DENND11: variants seen among roughly 807,000 people sequenced by gnomAD.
The protein encoded by DENND11 is DENN domain-containing protein 11.
Under a neutral mutation model 49.2 loss-of-function variants are expected in DENND11, and 34 were observed. The ratio of observed to expected loss-of-function variants is 0.69; its 90% CI spans 0.53 to 0.92. The LOEUF (loss-of-function observed/expected upper bound fraction) is 0.92, where lower values mean the gene tolerates loss of function less well. Among genes scored for constraint, DENND11 ranks in the 40% least tolerant of loss-of-function variants. DENND11 has a pLI of 0.00. For missense variants in DENND11, 475 were observed against 581.6 expected (o/e 0.82, Z 1.88); for synonymous variants, 238 against 230.3 (o/e 1.03, Z -0.30).
intron 4 of DENND11, among the ~76,000 whole-genome samples, chr7:141,667,275 T>C (rs935938126): frequency 3.3e-5 from 5 of 152,090 alleles, no homozygotes; most frequent in Non-Finnish European, 7.4e-5. Flanking sequence ...CTAGGAACAC[T>C]GAGCCAAGGA....
At chr7:141,699,603 C>T (rs1563007106) in intron 1 of DENND11, among the ~76,000 whole-genome samples, 1 of 152,182 alleles carries the variant, frequency 6.6e-6, no homozygotes, top group Non-Finnish European at 1.5e-5. Context: ...TGCGCTCTCT[C>T]TTCCTCCCTC....
rs544363418 is a variant in DENND11 at position 141,662,415 on chromosome 7, G to T, written c.*241C>A. On this transcript the variant is annotated 3_prime_UTR_variant, in exon 9 of 9. Coordinates refer to ENST00000536163, the MANE Select transcript of DENND11 (RefSeq NM_001080392.2). ...CATGACCAAGCCCAGAGGACCAGCA[G>T]CTCTGGGAGAAAGTGGCAGATTCCA... 1 of 416,536 alleles carries T rather than the reference G, an allele frequency of 2.4e-6. No homozygotes were observed. Among genetic ancestry groups the T allele is most frequent in the Admixed American group, 4.4e-5 (1 of 22,736 alleles). 25.8% of individuals were successfully genotyped at this position (416,536 alleles called of 1,614,324 possible). A position where few individuals can be genotyped will look rare whatever the true frequency, so the allele number is the denominator to read the frequency against.
intron 3 of DENND11, among the ~76,000 whole-genome samples, chr7:141,677,639 G>A (rs1434339717): frequency 2.6e-5 from 4 of 151,470 alleles, no homozygotes; most frequent in African/African-American, 9.7e-5. Context: ...ACCACCTTCT[G>A]AAGGGTAACT....
At chr7:141,670,051 C>A in intron 4 of DENND11, among the ~76,000 whole-genome samples, 1 of 150,750 alleles carries the variant, frequency 6.6e-6, no homozygotes. Context: ...ACCTCGTGAT[C>A]CGCCCGCCTC....
At chr7:141,669,876 C>T (rs1234779057) in intron 4 of DENND11, among the ~76,000 whole-genome samples, 1 of 134,924 alleles carries the variant, frequency 7.4e-6, no homozygotes, top group Non-Finnish European at 1.5e-5. Flanking sequence ...GTGGCGCAAT[C>T]TCGGCTCACT....
intron 1 of DENND11, among the ~76,000 whole-genome samples, chr7:141,688,043 A>T (rs1798272173): frequency 6.6e-6 from 1 of 152,152 alleles, no homozygotes; most frequent in African/African-American, 2.4e-5. Flanking sequence ...GGCCTCCCAA[A>T]GTGTTGGGAT....
At chr7:141,685,053 TA>T (rs1563002241) in intron 3 of DENND11, among the ~76,000 whole-genome samples, 24 of 140,652 alleles carry the variant, frequency 1.7e-4, no homozygotes, top group African/African-American at 6.0e-4. Flanking sequence ...TATATATATA[TA>T]TATATTTTTA....
At chr7:141,691,561 C>T (rs1031920830) in intron 1 of DENND11, among the ~76,000 whole-genome samples, 8 of 152,106 alleles carry the variant, frequency 5.3e-5, no homozygotes, top group African/African-American at 1.7e-4. Flanking sequence ...ACAGAGGGAG[C>T]GAATGACATA....
At chr7:141,686,055 T>A (rs1798237839) in intron 2 of DENND11, among the ~76,000 whole-genome samples, 1 of 152,182 alleles carries the variant, frequency 6.6e-6, no homozygotes, top group African/African-American at 2.4e-5. Context: ...GCCATTTTAT[T>A]TCCTCCTCTT....
intron 4 of DENND11, among the ~76,000 whole-genome samples, chr7:141,670,463 C>G (rs1324392574): frequency 6.6e-6 from 1 of 152,090 alleles, no homozygotes; most frequent in Non-Finnish European, 1.5e-5. Context: ...ATGTAAAAAC[C>G]AACATAGTAT....
chr7:141,661,493 C>G lies in DENND11; in HGVS notation c.*1163G>C, dbSNP rs1191521827. On this transcript the variant is annotated 3_prime_UTR_variant, in exon 9 of 9. Transcript: ENST00000536163. Reference sequence around the variant, plus strand: ...CCACTGTCCCGGGTGAAGGCACTGCCACATTTTCTCTCAACAAATCTGTTA... The same window carrying G: ...CCACTGTCCCGGGTGAAGGCACTGCGACATTTTCTCTCAACAAATCTGTTA... 6.6e-6 allele frequency: 1 copy of G among 152,226 alleles called. No homozygotes were observed. The highest frequency in any genetic ancestry group is 1.5e-5 in the Non-Finnish European group (1 of 68,080). The allele number at this position is 152,226 out of a possible 1,614,324, so 9.4% of individuals were successfully genotyped here. A position where few individuals can be genotyped will look rare whatever the true frequency, so the allele number is the denominator to read the frequency against.
rs1325977956 is a variant in DENND11, at chr7:141,657,738, A to G, written c.*4918T>C. ...AAAATCGAAAATAAATTCTAAAAAG[A>G]GGAAAGCAAGGCTTTTGTCTCCATC... On this transcript the variant is annotated 3_prime_UTR_variant, in exon 9 of 9. Transcript: ENST00000536163. 1 of 152,636 alleles carries G rather than the reference A, an allele frequency of 6.6e-6. No homozygotes were observed. Among genetic ancestry groups the G allele is most frequent in the Non-Finnish European group, 1.5e-5 (1 of 68,046 alleles). 9.5% of individuals were successfully genotyped at this position (152,636 alleles called of 1,614,324 possible). A position where few individuals can be genotyped will look rare whatever the true frequency, so the allele number is the denominator to read the frequency against.
Position 141,659,468 on chromosome 7 carries a change from G to A in DENND11, c.*3188C>T, listed in dbSNP as rs1022826870. On this transcript the variant is annotated 3_prime_UTR_variant, in exon 9 of 9. Transcript: ENST00000536163. ...GGGCCAACTGGACATTTTCCCAAAG[G>A]CTGGGCAGTATCATCTGCTGAGCCT... is the stretch of plus-strand genomic sequence containing the variant. 1 of 152,238 alleles carries A rather than the reference G, an allele frequency of 6.6e-6. No homozygotes were observed. Among genetic ancestry groups the A allele is most frequent in the Non-Finnish European group, 1.5e-5 (1 of 68,052 alleles). 9.4% of individuals were successfully genotyped at this position (152,238 alleles called of 1,614,324 possible). A position where few individuals can be genotyped will look rare whatever the true frequency, so the allele number is the denominator to read the frequency against.
In DENND11 at chr7:141,664,989, C is replaced by T. The variant is rs1235729670; in HGVS notation, c.1018G>A (p.Val340Met). 1 of 1,613,948 alleles carries T rather than the reference C, an allele frequency of 6.2e-7. No individual in the cohort carries two copies. Among genetic ancestry groups the T allele is most frequent in the East Asian group, 2.2e-5 (1 of 44,872 alleles). ...TGCAGGTGGTCGTGGTGTGTCTTCACATTCTGGTTATCCACGTAGACGTCA... is the reference window on the plus strand; with the variant it reads ...TGCAGGTGGTCGTGGTGTGTCTTCATATTCTGGTTATCCACGTAGACGTCA... ...LYDVYVDNQN[V>M]KTHHDHLQPL... The change falls in exon 7 of 9, where the codon GTG (valine) becomes ATG (methionine). Residue 340 changes from valine to methionine, a missense_variant. Coordinates refer to ENST00000536163, the MANE Select transcript of DENND11 (RefSeq NM_001080392.2).
intron 4 of DENND11, among the ~76,000 whole-genome samples, chr7:141,671,126 T>A (rs992469809): frequency 3.3e-5 from 5 of 152,200 alleles, no homozygotes; most frequent in African/African-American, 1.2e-4. Context: ...ACATACGTCA[T>A]TCTGATGGAT....
At chr7:141,676,837 C>T (rs1356705667) in intron 3 of DENND11, among the ~76,000 whole-genome samples, 1 of 152,156 alleles carries the variant, frequency 6.6e-6, no homozygotes, top group East Asian at 1.9e-4. Context: ...CACCGAAATG[C>T]ATGCCAAACC....
At chr7:141,668,113 T>C (rs13221155) in intron 4 of DENND11, among the ~76,000 whole-genome samples, 17,179 of 152,216 alleles carry the variant, frequency 0.11, 1,366 homozygotes, top group East Asian at 0.35. Context: ...AGAGGCCAGG[T>C]GGGGCTTGCC....
chr7:141,698,009 C>G (rs1798443490), intron 1 of DENND11, among the ~76,000 whole-genome samples: 1 of 152,164 alleles, frequency 6.6e-6, no homozygotes, highest in African/African-American at 2.4e-5. Context: ...CTCTTGCAAG[C>G]TGCCCCAGTA....
At chr7:141,677,505 A>ATATATATATATATATG (rs1562999730) in intron 3 of DENND11, among the ~76,000 whole-genome samples, 1 of 114,810 alleles carries the variant, frequency 8.7e-6, no homozygotes. Flanking sequence ...GTGTGTGTGT[A>ATATATATATATATATG]TATATATATA....
Sources: gnomAD v4.1 joint callset for allele counts (sites outside exome capture counted in the v4.1 genomes callset) on GRCh38, gnomAD v4.1.1 for gene constraint, MANE v1.5 for transcripts, NCBI Gene and HGNC (gene_info 2026-07-23, HGNC 2026-07-21) for gene names.